Variants in AGBL4 observed in about 807,000 individuals in gnomAD.
The protein encoded by AGBL4 is AGBL carboxypeptidase 4.
In AGBL4, 58 loss-of-function variants were observed where a neutral mutation model predicts 66.4. The ratio of observed to expected loss-of-function variants is 0.87; its 90% confidence interval spans 0.71 to 1.09. The LOEUF is 1.09. Among genes scored for constraint, AGBL4 ranks in the 50% least tolerant of loss-of-function variants. The pLI is 0.00. For missense variants in AGBL4, 579 were observed against 631.0 expected (o/e 0.92, Z 0.88); for synonymous variants, 234 against 222.9 (o/e 1.05, Z -0.44).
At chr1:48,895,536 G>T (rs1297126980) in intron 5 of AGBL4, among the ~76,000 whole-genome samples, 2 of 152,242 alleles carry the variant, frequency 1.3e-5, no homozygotes, top group Non-Finnish European at 2.9e-5. Context: ...GATGACGATG[G>T]CAGAGAGCTG....
At chr1:49,967,158 T>A (rs982868949) in intron 1 of AGBL4, among the ~76,000 whole-genome samples, 2 of 152,206 alleles carry the variant, frequency 1.3e-5, no homozygotes, top group African/African-American at 4.8e-5. Context: ...CCACATCCTC[T>A]CCAGCATCTG....
intron 4 of AGBL4, among the ~76,000 whole-genome samples, chr1:49,076,733 T>G (rs1346880445): frequency 6.6e-6 from 1 of 152,164 alleles, no homozygotes; most frequent in East Asian, 1.9e-4. Flanking sequence ...TCTATCAAGT[T>G]AAGTACACAA....
chr1:48,962,176 GT>G (rs371441069), intron 5 of AGBL4, among the ~76,000 whole-genome samples: 49 of 152,228 alleles, frequency 3.2e-4, no homozygotes, highest in African/African-American at 1.2e-3. Flanking sequence ...ATGTTACGAA[GT>G]ACTTAGACTT....
chr1:49,253,406 A>G (rs1322225379), intron 3 of AGBL4, among the ~76,000 whole-genome samples: 1 of 152,220 alleles, frequency 6.6e-6, no homozygotes, highest in African/African-American at 2.4e-5. Context: ...CCCTATGCAC[A>G]TAAGCTAGAA....
intron 3 of AGBL4, among the ~76,000 whole-genome samples, chr1:49,473,549 G>C (rs1387916805): frequency 1.3e-5 from 2 of 151,970 alleles, no homozygotes; most frequent in Non-Finnish European, 2.9e-5. Context: ...ACCTCTGTCA[G>C]TTTGCAAATA....
chr1:49,010,092 C>T (rs1314522959), intron 5 of AGBL4, among the ~76,000 whole-genome samples: 2 of 152,124 alleles, frequency 1.3e-5, no homozygotes, highest in African/African-American at 4.8e-5. Flanking sequence ...TCAAATTGTC[C>T]CTCTTTGCAG....
At chr1:48,654,198 A>T (rs1050582285) in intron 7 of AGBL4, among the ~76,000 whole-genome samples, 3 of 152,076 alleles carry the variant, frequency 2.0e-5, no homozygotes, top group Non-Finnish European at 2.9e-5. Context: ...CCTCTTCTCC[A>T]TCCCACTGCC....
intron 6 of AGBL4, among the ~76,000 whole-genome samples, chr1:48,835,893 T>G (rs997926987): frequency 6.6e-6 from 1 of 152,050 alleles, no homozygotes; most frequent in African/African-American, 2.4e-5. Context: ...CAGTATGGAA[T>G]GAATACTGGG....
chr1:49,629,644 C>T (rs1645531984), intron 3 of AGBL4, among the ~76,000 whole-genome samples: 1 of 152,174 alleles, frequency 6.6e-6, no homozygotes, highest in Admixed American at 6.5e-5. Flanking sequence ...TGAATATAAT[C>T]TCAATTTTGA....
chr1:49,860,158 A>C (rs1249176872), intron 1 of AGBL4, among the ~76,000 whole-genome samples: 1 of 152,210 alleles, frequency 6.6e-6, no homozygotes, highest in Non-Finnish European at 1.5e-5. Flanking sequence ...CTAGAGATTC[A>C]ATACAATCCC....
At chr1:49,886,078 G>A (rs1002936478) in intron 1 of AGBL4, among the ~76,000 whole-genome samples, 3 of 152,122 alleles carry the variant, frequency 2.0e-5, no homozygotes, top group Non-Finnish European at 4.4e-5. Flanking sequence ...TTTACAGTAA[G>A]TGATTTCCCT....
intron 3 of AGBL4, among the ~76,000 whole-genome samples, chr1:49,614,642 G>A (rs575989863): frequency 2.0e-5 from 3 of 151,996 alleles, no homozygotes; most frequent in African/African-American, 4.8e-5. Context: ...AAAAGCAGTT[G>A]TACCAATTTA....
At chr1:49,820,615 G>A (rs1461939209) in intron 2 of AGBL4, among the ~76,000 whole-genome samples, 1 of 152,090 alleles carries the variant, frequency 6.6e-6, no homozygotes, top group Non-Finnish European at 1.5e-5. Flanking sequence ...CCCCAAAGTG[G>A]TAACAAGTAC....
chr1:48,830,374 A>T (rs1646522433), intron 6 of AGBL4, among the ~76,000 whole-genome samples: 1 of 152,132 alleles, frequency 6.6e-6, no homozygotes, highest in African/African-American at 2.4e-5. Context: ...GGTCATACAA[A>T]TTGCCTGAGG....
At chr1:49,470,328 C>T (rs1172943049) in intron 3 of AGBL4, among the ~76,000 whole-genome samples, 2 of 151,916 alleles carry the variant, frequency 1.3e-5, no homozygotes, top group Non-Finnish European at 1.5e-5. Flanking sequence ...AAGTTCCAGG[C>T]AATGCTACCC....
intron 2 of AGBL4, among the ~76,000 whole-genome samples, chr1:49,849,928 A>C (rs889363750): frequency 6.6e-6 from 1 of 152,196 alleles, no homozygotes; most frequent in African/African-American, 2.4e-5. Context: ...TTATGTCTTT[A>C]ACATAAGAAA....
At chr1:48,795,202 G>C (rs1645642823) in intron 6 of AGBL4, among the ~76,000 whole-genome samples, 1 of 152,120 alleles carries the variant, frequency 6.6e-6, no homozygotes, top group African/African-American at 2.4e-5. Context: ...ATGCAAATTT[G>C]ATCACGTTAC....
intron 2 of AGBL4, among the ~76,000 whole-genome samples, chr1:49,849,433 TGTA>T (rs1646249538): frequency 1.4e-5 from 2 of 144,918 alleles, no homozygotes; most frequent in Admixed American, 7.0e-5. Flanking sequence ...ATTATTATTA[TGTA>T]TATTCTGGTA....
chr1:49,919,113 C>T (rs1049851919), intron 1 of AGBL4, among the ~76,000 whole-genome samples: 3 of 152,152 alleles, frequency 2.0e-5, no homozygotes, highest in African/African-American at 7.2e-5. Context: ...CTATGACAAA[C>T]CCACAGCCAA....
Sources: gnomAD v4.1 joint callset for allele counts (sites outside exome capture counted in the v4.1 genomes callset) on GRCh38, gnomAD v4.1.1 for gene constraint, MANE v1.5 for transcripts, NCBI Gene and HGNC (gene_info 2026-07-23, HGNC 2026-07-21) for gene names.